DEF6: variants seen among roughly 807,000 people sequenced by gnomAD.
DEF6 encodes DEF6 guanine nucleotide exchange factor, also known as differentially expressed in FDCP 6 homolog.
In DEF6, 32 loss-of-function variants were observed where a neutral mutation model predicts 80.5. The observed-to-expected ratio is 0.40, with a 90% CI of 0.30 to 0.53. The LOEUF (loss-of-function observed/expected upper bound fraction) is 0.53. Among genes scored for constraint, DEF6 ranks in the 20% least tolerant of loss-of-function variants. DEF6 has a pLI of 0.57. For synonymous variants in DEF6, 300 were observed against 337.9 expected, an observed-to-expected ratio of 0.89 and a Z score of 1.23; for missense variants, 575 against 818.7, an observed-to-expected ratio of 0.70 and a Z score of 3.63.
At chr6:35,301,179 G>C (rs1404192384) in intron 1 of DEF6, among the ~76,000 whole-genome samples, 2 of 152,136 alleles carry the variant, frequency 1.3e-5, no homozygotes, top group African/African-American at 4.8e-5. Context: ...TCTGGAGAGG[G>C]ACAACCACCT....
At chr6:35,301,362 C>T (rs536734532) in intron 1 of DEF6, among the ~76,000 whole-genome samples, 1 of 152,288 alleles carries the variant, frequency 6.6e-6, no homozygotes, top group African/African-American at 2.4e-5. Flanking sequence ...CTCAGAACCA[C>T]GCAGGCTTGG....
chr6:35,304,258 C>T (rs546575886), intron 1 of DEF6, among the ~76,000 whole-genome samples: 62 of 152,306 alleles, frequency 4.1e-4, no homozygotes, highest in African/African-American at 1.3e-3. Flanking sequence ...GCGGTCGAGG[C>T]TGCAGTGAGC....
In DEF6 at chr6:35,320,904, C is replaced by A. The variant is rs1447517538; in HGVS notation, c.1602C>A (p.Arg534=). 3 of 1,610,106 alleles carry A rather than the reference C, an allele frequency of 1.9e-6. No individual in the cohort carries two copies. The highest frequency in any genetic ancestry group is 2.5e-6 in the Non-Finnish European group (3 of 1,177,822). ...CACAGGCTGCCCAGAGAAAACTGCGCCAGGCCAGCACCAACGTGAAACACT... is the reference window on the plus strand; with the variant it reads ...CACAGGCTGCCCAGAGAAAACTGCGACAGGCCAGCACCAACGTGAAACACT... ...EDVEAAQRKL[R]QASTNVKHWN... The change falls in exon 10 of 11, where the codon CGC becomes CGA. Residue 534 remains arginine, a synonymous_variant. Transcript: ENST00000316637.
At chr6:35,301,668 GT>G (rs1791315549) in intron 1 of DEF6, among the ~76,000 whole-genome samples, 1 of 147,990 alleles carries the variant, frequency 6.8e-6, no homozygotes, top group Non-Finnish European at 1.5e-5. Flanking sequence ...CATGATAGTA[GT>G]TATGCTTTTC....
At position 35,318,083 on chromosome 6, in the gene DEF6, G is replaced by C; in HGVS notation, c.916+84G>C. 6.5e-7 allele frequency: 1 copy of C among 1,547,720 alleles called. No individual in the cohort carries two copies. Among genetic ancestry groups the C allele is most frequent in the Non-Finnish European group, 8.7e-7 (1 of 1,145,166 alleles). On this transcript the variant is annotated intron_variant, in intron 6 of 10. Transcript: ENST00000316637. This position sits in a 1 kb window ranked among gnomAD's most constrained non-coding sequence, Gnocchi z 5.1. The stretch of plus-strand genomic sequence containing the variant: ...AGGGGGTGATAATACTTTGTCCAGC[G>C]GGAGGTTGGAGAGTGGACTCGGGAA...
chr6:35,315,911 T>G (rs1446507135), intron 5 of DEF6, among the ~76,000 whole-genome samples: 1 of 141,452 alleles, frequency 7.1e-6, no homozygotes, highest in Admixed American at 7.9e-5. Flanking sequence ...CAGGCTGGAG[T>G]GCAATGGCAC....
intron 1 of DEF6, among the ~76,000 whole-genome samples, chr6:35,301,893 A>AT (rs1791319772): frequency 6.6e-6 from 1 of 151,876 alleles, no homozygotes; most frequent in Non-Finnish European, 1.5e-5. Context: ...CGCCCAGCTA[A>AT]TTTTTGTATT....
rs749561542 is a variant in DEF6, at chr6:35,310,503, C to T, written c.282C>T (p.Cys94=). 15 of 1,613,980 alleles carry T rather than the reference C, an allele frequency of 9.3e-6. No homozygotes were observed. Among genetic ancestry groups the T allele is most frequent in the Non-Finnish European group, 1.3e-5 (15 of 1,180,038 alleles). The part of the protein sequence containing the change: ...AFVKEHFDEL[C]WTLTAKKNYR... ...TTAAAGAGCACTTTGATGAGCTGTGCTGGACGCTGACGGCCAAGAAGAACT... is the reference window on the plus strand; with the variant it reads ...TTAAAGAGCACTTTGATGAGCTGTGTTGGACGCTGACGGCCAAGAAGAACT... The change falls in exon 3 of 11, where the codon TGC becomes TGT. Residue 94 remains cysteine (C), a synonymous_variant. Transcript: ENST00000316637.
rs117194000 is a variant in DEF6, at chr6:35,313,501, A to G, written c.807+729A>G. 191 of 316,740 alleles carry G rather than the reference A, an allele frequency of 6.0e-4. 1 individual carries two copies. In the East Asian group the frequency reaches 0.014, roughly 23 times the overall value. 19.6% of individuals were successfully genotyped at this position (316,740 alleles called of 1,614,324 possible). A position where few individuals can be genotyped will look rare whatever the true frequency, so the allele number is the denominator to read the frequency against. The stretch of plus-strand genomic sequence containing the variant: ...ATTCTCTTCTATTTTGAAATATACA[A>G]TAGATTATTGTAAACTGTAGCCACC... On this transcript the variant is annotated intron_variant, in intron 5 of 10. Transcript: ENST00000316637.
chr6:35,311,085 C>G (rs1437519196), intron 3 of DEF6, among the ~76,000 whole-genome samples: 1 of 152,126 alleles, frequency 6.6e-6, no homozygotes, highest in Non-Finnish European at 1.5e-5. Context: ...CAGATTTTCC[C>G]TTTCTGCCTT....
chr6:35,319,432 A>C lies in DEF6; in HGVS notation c.1216-92A>C, dbSNP rs1791561248. The C allele has an allele frequency of 1.1e-6, 1 of 932,312 alleles. No individual in the cohort carries two copies. The highest frequency in any genetic ancestry group is 1.6e-6 in the Non-Finnish European group (1 of 612,630). 57.8% of individuals were successfully genotyped at this position (932,312 alleles called of 1,614,324 possible). On this transcript the variant is annotated intron_variant, in intron 7 of 10. Transcript: ENST00000316637. This position sits in a 1 kb window ranked among gnomAD's most constrained non-coding sequence, Gnocchi z 4.5. ...AGGAGTTCCCCAGACCCTCACCCCT[A>C]GGCAGCTTAGCAACATGCCCACCCC...
chr6:35,308,276 A>T (rs900591190), intron 1 of DEF6, among the ~76,000 whole-genome samples: 3 of 152,086 alleles, frequency 2.0e-5, no homozygotes, highest in Non-Finnish European at 4.4e-5. Flanking sequence ...CATGCCTGAA[A>T]TCCCAGCACT....
At chr6:35,313,420 A>G (rs1353649387) in intron 5 of DEF6, 1 of 349,754 alleles carries the variant, frequency 2.9e-6, no homozygotes, top group Non-Finnish European at 5.5e-6. Context: ...AAATCAAATC[A>G]TGTCATTAGG....
rs138643855 is a variant in DEF6 at position 35,302,770 on chromosome 6, G to A, written c.96+4818G>A. ...GGAAACTCTGAGTCAGTAGGTCTGG[G>A]CTGGGCGGGCATGTTTCAGTTTCAC... On this transcript the variant is annotated intron_variant, in intron 1 of 10. Coordinates refer to ENST00000316637, the MANE Select transcript of DEF6 (RefSeq NM_022047.4). Among the ~76,000 whole-genome samples, 121 of 152,296 alleles carry A rather than the reference G, an allele frequency of 7.9e-4. 1 individual carries two copies. The highest frequency in any genetic ancestry group is 3.4e-3 in the Middle Eastern group (1 of 294).
Position 35,312,265 on chromosome 6 carries a change from C to T in DEF6, c.424-37C>T. 6.3e-7 allele frequency: 1 copy of T among 1,586,652 alleles called. No individual in the cohort carries two copies. Among genetic ancestry groups the T allele is most frequent in the Non-Finnish European group, 8.6e-7 (1 of 1,158,104 alleles). On this transcript the variant is annotated intron_variant, in intron 3 of 10. Transcript: ENST00000316637. The surrounding 1 kb of genome is among the most constrained non-coding windows in gnomAD (Gnocchi z 6.6). ...CTGGTGTTGGTGCTGGCAACACCAC[C>T]TGCTGCAGCTACCAGGCCTTCCTTC...
intron 1 of DEF6, among the ~76,000 whole-genome samples, chr6:35,301,263 G>T (rs989146663): frequency 2.0e-5 from 3 of 152,180 alleles, no homozygotes; most frequent in Non-Finnish European, 4.4e-5. Context: ...CATTAGCTTT[G>T]TCCTGACCCC....
intron 1 of DEF6, among the ~76,000 whole-genome samples, chr6:35,308,668 G>A (rs1353998748): frequency 3.6e-5 from 4 of 111,644 alleles, no homozygotes; most frequent in African/African-American, 8.4e-5. Context: ...GTAAGACTCC[G>A]TCTCAAAATA....
intron 1 of DEF6, among the ~76,000 whole-genome samples, chr6:35,305,418 A>T (rs2150385559): frequency 6.6e-6 from 1 of 152,214 alleles, no homozygotes; most frequent in South Asian, 2.1e-4. Flanking sequence ...TGAGCCTGGG[A>T]GGCGGAAGCT....
At chr6:35,317,074 TC>T (rs1791531668) in intron 5 of DEF6, among the ~76,000 whole-genome samples, 1 of 152,254 alleles carries the variant, frequency 6.6e-6, no homozygotes, top group Non-Finnish European at 1.5e-5. Flanking sequence ...CTGGATAATA[TC>T]CCTAACAGTG....
Sources: gnomAD v4.1 joint callset for allele counts (sites outside exome capture counted in the v4.1 genomes callset) on GRCh38, gnomAD v4.1.1 for gene constraint, Gnocchi (gnomAD v3.1) non-coding constraint, MANE v1.5 for transcripts, NCBI Gene and HGNC (gene_info 2026-07-23, HGNC 2026-07-21) for gene names.